CACNA1C: variants seen among roughly 807,000 people sequenced by gnomAD.
CACNA1C encodes the protein calcium voltage-gated channel subunit alpha1 C, also known as voltage-dependent L-type calcium channel subunit alpha-1C.
CACNA1C carries 30 observed loss-of-function variants against 229.0 expected under a neutral mutation model. The ratio of observed to expected loss-of-function variants is 0.13; its 90% CI spans 0.10 to 0.18. The LOEUF (loss-of-function observed/expected upper bound fraction) is 0.18, where lower values mean the gene tolerates loss of function less well. Ranked by LOEUF, CACNA1C falls within the 10% of genes least tolerant of loss-of-function variation. The pLI, the probability that CACNA1C is intolerant of heterozygous loss-of-function variation, is 1.00. For missense variants in CACNA1C, 1,658 were observed against 2,845.0 expected (o/e 0.58, Z 9.49); for synonymous variants, 1,114 against 1,132.5 (o/e 0.98, Z 0.33).
chr12:2,565,259 G>A (rs1377065714), intron 11 of CACNA1C, among the ~76,000 whole-genome samples: 1 of 151,696 alleles, frequency 6.6e-6, no homozygotes, highest in East Asian at 1.9e-4. Flanking sequence ...ATGAGGTCAG[G>A]AGATCGAGAC....
chr12:2,607,494 A>G (rs933438168), intron 26 of CACNA1C: 7 of 182,348 alleles, frequency 3.8e-5, no homozygotes, highest in Non-Finnish European at 7.9e-5. Flanking sequence ...ATAGGATTCA[A>G]GATTGCCACT....
chr12:1,972,278 T>G (rs188225543), intron 1 of CACNA1C, among the ~76,000 whole-genome samples: 1 of 152,340 alleles, frequency 6.6e-6, no homozygotes, highest in South Asian at 2.1e-4. Context: ...ATATTTTCAA[T>G]GTAAGGATGG....
At chr12:2,406,183 A>C (rs375144948) in intron 3 of CACNA1C, among the ~76,000 whole-genome samples, 32 of 151,992 alleles carry the variant, frequency 2.1e-4, no homozygotes, top group African/African-American at 7.5e-4. Context: ...TACTCTCAAG[A>C]TATTTTCTTT....
At chr12:2,414,028 A>G (rs1332163025) in intron 3 of CACNA1C, among the ~76,000 whole-genome samples, 1 of 152,148 alleles carries the variant, frequency 6.6e-6, no homozygotes, top group Non-Finnish European at 1.5e-5. Flanking sequence ...GGGATGCAAC[A>G]TTAGGCAGTG....
chr12:2,494,197 C>T (rs2154571990), intron 7 of CACNA1C, among the ~76,000 whole-genome samples: 1 of 152,130 alleles, frequency 6.6e-6, no homozygotes, highest in East Asian at 1.9e-4. Context: ...AGCAAATCTT[C>T]GTTTACCTTA....
At chr12:2,682,418 T>C (rs925582390) in intron 42 of CACNA1C, 132 bp from the exon 43 acceptor site, 38 of 1,057,174 alleles carry the variant, frequency 3.6e-5, no homozygotes, top group Non-Finnish European at 5.1e-5. Context: ...GTATGCCTGT[T>C]CACGTGTGTG....
At chr12:2,199,404 C>G (rs748821676) in intron 3 of CACNA1C, among the ~76,000 whole-genome samples, 7 of 152,158 alleles carry the variant, frequency 4.6e-5, no homozygotes, top group Non-Finnish European at 1.0e-4. Context: ...TGATGGTCCA[C>G]TTCTACTTAA....
intron 11 of CACNA1C, among the ~76,000 whole-genome samples, chr12:2,558,173 A>C (rs1414989439): frequency 6.6e-6 from 1 of 152,182 alleles, no homozygotes; most frequent in African/African-American, 2.4e-5. Context: ...GGAGCTGGAC[A>C]CATGGCGGAG....
chr12:2,640,630 C>T (rs1217476213), intron 30 of CACNA1C, among the ~76,000 whole-genome samples: 2 of 152,158 alleles, frequency 1.3e-5, no homozygotes, highest in African/African-American at 2.4e-5. Flanking sequence ...GAGCAAGCAG[C>T]GACAAGGCAG....
intron 14 of CACNA1C, 60 bp from the exon 15 acceptor site, chr12:2,582,762 G>T: frequency 1.3e-6 from 2 of 1,592,858 alleles, no homozygotes; most frequent in Non-Finnish European, 1.7e-6. Flanking sequence ...GGGCAGGGTG[G>T]TTTTGGGTTT....
chr12:2,355,242 G>T (rs114889118), intron 3 of CACNA1C, among the ~76,000 whole-genome samples: 2 of 152,146 alleles, frequency 1.3e-5, no homozygotes, highest in Non-Finnish European at 2.9e-5. Context: ...TCCTCCGGAG[G>T]GGGAGAAGCT....
intron 1 of CACNA1C, among the ~76,000 whole-genome samples, chr12:2,056,647 C>T (rs1565414859): frequency 6.6e-6 from 1 of 152,072 alleles, no homozygotes; most frequent in Non-Finnish European, 1.5e-5. Flanking sequence ...TACAAATGGT[C>T]AGAGAACAAC....
intron 29 of CACNA1C, among the ~76,000 whole-genome samples, chr12:2,616,471 G>C (rs936565583): frequency 6.6e-6 from 1 of 152,182 alleles, no homozygotes; most frequent in African/African-American, 2.4e-5. Context: ...AGCCCTCCCT[G>C]GCCTTCCCCA....
rs145944598 is a variant in CACNA1C at position 2,612,495 on chromosome 12, C to T, written c.3828+482C>T. 408 of 156,764 alleles carry T rather than the reference C, an allele frequency of 2.6e-3. 2 individuals carry two copies. Among genetic ancestry groups the T allele is most frequent in the Non-Finnish European group, 4.4e-3 (314 of 70,790 alleles). 9.7% of individuals were successfully genotyped at this position (156,764 alleles called of 1,614,324 possible). On this transcript the variant is annotated intron_variant, in intron 29 of 46. Coordinates refer to ENST00000399655, the MANE Select transcript of CACNA1C (RefSeq NM_000719.7). ...ACATTCAGCCAGGGCTGGATTTGCT[C>T]AGGGCTCAGGACTGAGGGCTCCAGC...
chr12:2,502,290 A>C (rs2099762299), intron 7 of CACNA1C, among the ~76,000 whole-genome samples: 1 of 152,262 alleles, frequency 6.6e-6, no homozygotes, highest in Admixed American at 6.5e-5. Context: ...CTGAGGACCT[A>C]CTATGTGCGA....
At chr12:2,584,935 C>T (rs2061855255) in intron 16 of CACNA1C, among the ~76,000 whole-genome samples, 1 of 152,190 alleles carries the variant, frequency 6.6e-6, no homozygotes, top group East Asian at 1.9e-4. Flanking sequence ...TTGGGAAACG[C>T]AGCTCCAGCT....
intron 3 of CACNA1C, among the ~76,000 whole-genome samples, chr12:2,160,845 G>A (rs1396951011): frequency 6.6e-6 from 1 of 152,092 alleles, no homozygotes. Context: ...TTTTTGAGAC[G>A]GAGTCTTGGT....
At chr12:2,071,577 C>G (rs2061362699) in intron 1 of CACNA1C, among the ~76,000 whole-genome samples, 1 of 152,102 alleles carries the variant, frequency 6.6e-6, no homozygotes, top group Non-Finnish European at 1.5e-5. Context: ...TTTTGTTCCT[C>G]TGGAACTCTA....
chr12:2,351,495 C>T (rs527967180), intron 3 of CACNA1C, among the ~76,000 whole-genome samples: 1 of 152,214 alleles, frequency 6.6e-6, no homozygotes, highest in East Asian at 1.9e-4. Flanking sequence ...CCTCAGTTGC[C>T]CTGTCAGCAA....
Sources: allele counts gnomAD v4.1 joint callset (sites outside exome capture counted in the v4.1 genomes callset), GRCh38; gene constraint gnomAD v4.1.1; transcripts MANE v1.5; gene names NCBI Gene and HGNC (gene_info 2026-07-23, HGNC 2026-07-21).